Variants in UBE2K observed in about 807,000 individuals in gnomAD.
UBE2K encodes ubiquitin conjugating enzyme E2 K.
In UBE2K, 6 loss-of-function variants were observed where a neutral mutation model predicts 30.0. The observed-to-expected ratio is 0.20, with a 90% CI of 0.11 to 0.39. The LOEUF (loss-of-function observed/expected upper bound fraction) is 0.39, where lower values mean the gene tolerates loss of function less well. UBE2K is among the 10% of genes least tolerant of loss of function. The pLI is 1.00. For synonymous variants in UBE2K, 86 were observed against 83.7 expected (o/e 1.03, Z -0.15); for missense variants, 61 against 241.6 (o/e 0.25, Z 4.96).
intron 3 of UBE2K, among the ~76,000 whole-genome samples, chr4:39,751,747 C>A (rs1043633304): frequency 2.0e-5 from 3 of 151,956 alleles, no homozygotes; most frequent in African/African-American, 7.2e-5. Flanking sequence ...CTGAGGCGGG[C>A]GGATCACTGG....
At chr4:39,749,333 A>G (rs952374736) in intron 3 of UBE2K, among the ~76,000 whole-genome samples, 6 of 152,214 alleles carry the variant, frequency 3.9e-5, no homozygotes, top group African/African-American at 1.4e-4. Flanking sequence ...TGAAAAAATC[A>G]TTAGTAAAAA....
intron 4 of UBE2K, among the ~76,000 whole-genome samples, chr4:39,768,672 G>A (rs578042930): frequency 2.0e-4 from 31 of 152,006 alleles, no homozygotes; most frequent in Non-Finnish European, 3.7e-4. Context: ...ATGAACCACC[G>A]TGCCTGGTCC....
intron 4 of UBE2K, chr4:39,771,163 G>A: frequency 1.2e-6 from 2 of 1,612,962 alleles, no homozygotes; most frequent in Admixed American, 1.7e-5. Context: ...GAATTCCAGG[G>A]TGCCCGTGTA....
chr4:39,777,882 A>G (rs1560384198), intron 6 of UBE2K, 72 bp downstream of exon 6: 2 of 1,326,588 alleles, frequency 1.5e-6, no homozygotes, highest in East Asian at 5.6e-5. Context: ...TTGGCTGACA[A>G]AAGTGGTTTA....
chr4:39,720,320 A>ATT (rs10716637), intron 1 of UBE2K, among the ~76,000 whole-genome samples: 1 of 148,482 alleles, frequency 6.7e-6, no homozygotes. Context: ...TGGGAAGGTA[A>ATT]TTTTTTTTTT....
chr4:39,764,912 A>T (rs1197998450), intron 4 of UBE2K, among the ~76,000 whole-genome samples: 6 of 147,692 alleles, frequency 4.1e-5, no homozygotes, highest in Admixed American at 4.0e-4. Context: ...TCGAGACAAG[A>T]GTCTCACTCT....
chr4:39,778,314 A>C (rs367699466), intron 6 of UBE2K, 46 bp from the exon 7 acceptor site: 164 of 1,266,918 alleles, frequency 1.3e-4, no homozygotes, highest in Non-Finnish European at 1.7e-4. Flanking sequence ...TATTGTTTAA[A>C]TGTTTCCTTG....
At chr4:39,719,797 TTTTG>T (rs1248831928) in intron 1 of UBE2K, among the ~76,000 whole-genome samples, 3 of 152,200 alleles carry the variant, frequency 2.0e-5, no homozygotes, top group African/African-American at 7.2e-5. Flanking sequence ...GTGACTTAGT[TTTTG>T]TTGTATAGAA....
intron 4 of UBE2K, among the ~76,000 whole-genome samples, chr4:39,772,576 A>C (rs1424647778): frequency 1.1e-5 from 1 of 92,928 alleles, no homozygotes; most frequent in Non-Finnish European, 2.4e-5. Context: ...TATCTCAAAA[A>C]AAGAAAAAAA....
chr4:39,724,699 G>A (rs1578439594), intron 1 of UBE2K, among the ~76,000 whole-genome samples: 1 of 151,716 alleles, frequency 6.6e-6, no homozygotes, highest in South Asian at 2.1e-4. Flanking sequence ...TAGCCCCGGA[G>A]GCAAAAGTTG....
Position 39,774,221 on chromosome 4 carries a change from T to G in UBE2K, c.300-613T>G, listed in dbSNP as rs774084725. Among the ~76,000 whole-genome samples the G allele has an allele frequency of 1.6e-3, 243 of 149,012 alleles. 1 individual carries two copies. The highest frequency in any genetic ancestry group is 3.0e-3 in the Non-Finnish European group (202 of 66,948). On this transcript the variant is annotated intron_variant, in intron 4 of 6. Transcript: ENST00000261427. ...CGTGAGGCTGAGGCAGGAGAATCGC[T>G]TGAGCCCAGGAGGCGGAGGTTGCAG...
chr4:39,767,900 A>G (rs943544491), intron 4 of UBE2K, among the ~76,000 whole-genome samples: 2 of 152,194 alleles, frequency 1.3e-5, no homozygotes, highest in African/African-American at 2.4e-5. Flanking sequence ...AGGTGACACC[A>G]TGGATTTTAA....
At chr4:39,731,048 C>T (rs377528927) in intron 1 of UBE2K, among the ~76,000 whole-genome samples, 14 of 151,738 alleles carry the variant, frequency 9.2e-5, no homozygotes, top group Non-Finnish European at 1.5e-4. Context: ...TGCAGTGGCA[C>T]GATCTCAACT....
At chr4:39,733,701 A>G (rs571808347) in intron 1 of UBE2K, among the ~76,000 whole-genome samples, 6 of 152,304 alleles carry the variant, frequency 3.9e-5, no homozygotes, top group Middle Eastern at 3.4e-3. Context: ...TATCCAAGAA[A>G]CTTAATTCTG....
intron 4 of UBE2K, chr4:39,771,063 C>G: frequency 3.7e-6 from 6 of 1,612,480 alleles, no homozygotes; most frequent in Admixed American, 1.7e-5. Flanking sequence ...GCTCAGTGAA[C>G]TGGCTGAGGG....
At chr4:39,711,236 C>T (rs1380654594) in intron 1 of UBE2K, among the ~76,000 whole-genome samples, 1 of 142,186 alleles carries the variant, frequency 7.0e-6, no homozygotes, top group Non-Finnish European at 1.5e-5. Context: ...GATCTCGGCT[C>T]ACTGCAAGCT....
intron 4 of UBE2K, among the ~76,000 whole-genome samples, chr4:39,761,573 G>A (rs567113637): frequency 6.6e-6 from 1 of 152,246 alleles, no homozygotes; most frequent in East Asian, 1.9e-4. Context: ...ATGAGGTACT[G>A]ATTTATTCAT....
chr4:39,736,422 A>G (rs917625267), intron 1 of UBE2K, among the ~76,000 whole-genome samples: 1 of 152,330 alleles, frequency 6.6e-6, no homozygotes, highest in East Asian at 1.9e-4. Flanking sequence ...AGATCGTGCC[A>G]TCGCACTCCA....
At chr4:39,751,185 C>A (rs1721233994) in intron 3 of UBE2K, among the ~76,000 whole-genome samples, 1 of 152,026 alleles carries the variant, frequency 6.6e-6, no homozygotes, top group Non-Finnish European at 1.5e-5. Context: ...TTAAGCAGCC[C>A]ACCTGCCTTG....
Sources: gnomAD v4.1 joint callset for allele counts (sites outside exome capture counted in the v4.1 genomes callset) on GRCh38, gnomAD v4.1.1 for gene constraint, MANE v1.5 for transcripts, NCBI Gene and HGNC (gene_info 2026-07-23, HGNC 2026-07-21) for gene names.